The following TINAG variants were observed in gnomAD, a reference collection of about 807,000 sequenced individuals.
TINAG encodes the protein tubulointerstitial nephritis antigen.
Under a neutral mutation model 72.7 loss-of-function variants are expected in TINAG, and 83 were observed. That is an observed-to-expected ratio of 1.14 (90% CI 0.96 to 1.37). TINAG has a LOEUF of 1.37. Among genes scored for constraint, TINAG ranks in the 40% most tolerant of loss-of-function variants. The pLI is 0.00. For missense variants in TINAG, 685 were observed against 576.6 expected (o/e 1.19, Z -1.93); for synonymous variants, 234 against 189.9 (o/e 1.23, Z -1.91).
chr6:54,347,370 T>A lies in TINAG; in HGVS notation c.752T>A (p.Val251Glu), dbSNP rs367662055. 6.2e-7 allele frequency: 1 copy of A among 1,612,274 alleles called. No homozygotes were observed. The highest frequency in any genetic ancestry group is 1.3e-5 in the African/African-American group (1 of 74,826). The change falls in exon 6 of 11, where the codon GTG (valine) becomes GAG (glutamate). Residue 251 changes from valine (V) to glutamate (E), a missense_variant. Physicochemically the swap from Val to Glu is moderately radical, Grantham distance 121 (BLOSUM62 -2). Transcript: ENST00000259782. ...AASWAFSTASVAADRIAIQSK... is the reference protein window; with the variant it reads ...AASWAFSTASEAADRIAIQSK... ...ATTGATATTCTATTTGAAACAGGTG[T>A]GGCTGCTGACCGAATAGCAATTCAG...
intron 1 of TINAG, among the ~76,000 whole-genome samples, chr6:54,313,418 A>G (rs1213535954): frequency 1.3e-5 from 2 of 152,108 alleles, no homozygotes; most frequent in South Asian, 4.1e-4. Context: ...ACCCTTCTGT[A>G]ATACCCTGAG....
intron 3 of TINAG, among the ~76,000 whole-genome samples, chr6:54,325,571 T>G (rs936583171): frequency 7.2e-5 from 11 of 152,264 alleles, no homozygotes; most frequent in Non-Finnish European, 1.2e-4. Flanking sequence ...TGTAATAAAC[T>G]CTACTATTTC....
intron 3 of TINAG, among the ~76,000 whole-genome samples, chr6:54,323,246 CAT>C (rs538329384): frequency 1.3e-5 from 2 of 151,940 alleles, no homozygotes; most frequent in African/African-American, 2.4e-5. Context: ...CAAAAGGAAA[CAT>C]ATAAAAACCA....
At chr6:54,316,840 A>G (rs1345073553) in intron 1 of TINAG, among the ~76,000 whole-genome samples, 1 of 152,212 alleles carries the variant, frequency 6.6e-6, no homozygotes, top group East Asian at 1.9e-4. Context: ...TTTAAAACAA[A>G]TTATAGACAA....
chr6:54,339,374 A>G (rs1488758625), intron 4 of TINAG, among the ~76,000 whole-genome samples: 1 of 152,202 alleles, frequency 6.6e-6, no homozygotes, highest in Admixed American at 6.5e-5. Flanking sequence ...ATGGTTCAAC[A>G]GGACTGCTCT....
At chr6:54,362,460 G>A (rs1471360588) in intron 9 of TINAG, among the ~76,000 whole-genome samples, 1 of 151,518 alleles carries the variant, frequency 6.6e-6, no homozygotes, top group Admixed American at 6.6e-5. Context: ...GCCCACTGTT[G>A]AGATCTGCTA....
At chr6:54,340,305 T>C (rs969691812) in intron 4 of TINAG, among the ~76,000 whole-genome samples, 8 of 151,920 alleles carry the variant, frequency 5.3e-5, no homozygotes, top group African/African-American at 7.3e-5. Context: ...AAGTCTTTCT[T>C]AAAAATGAAT....
At chr6:54,330,333 A>T (rs762964255) in intron 4 of TINAG, among the ~76,000 whole-genome samples, 1 of 152,234 alleles carries the variant, frequency 6.6e-6, no homozygotes, top group Non-Finnish European at 1.5e-5. Context: ...ATGGAAACTG[A>T]ACAACCGATT....
chr6:54,384,452 A>G (rs910117871), intron 10 of TINAG, among the ~76,000 whole-genome samples: 5 of 152,154 alleles, frequency 3.3e-5, no homozygotes, highest in Non-Finnish European at 7.4e-5. Context: ...AGAAATTTAA[A>G]AAGTCACTAT....
chr6:54,348,218 T>C (rs994607721), intron 6 of TINAG, among the ~76,000 whole-genome samples: 18 of 152,130 alleles, frequency 1.2e-4, no homozygotes, highest in African/African-American at 3.4e-4. Flanking sequence ...TAGAAAATAG[T>C]GTATGTCAGA....
chr6:54,346,289 C>T (rs961304644), intron 5 of TINAG, among the ~76,000 whole-genome samples: 3 of 151,904 alleles, frequency 2.0e-5, no homozygotes, highest in Admixed American at 6.6e-5. Context: ...ATTTCCAGTG[C>T]TACAATGCCT....
At chr6:54,343,434 T>C (rs180999653) in intron 5 of TINAG, 85 bp downstream of exon 5, 39 of 1,217,240 alleles carry the variant, frequency 3.2e-5, no homozygotes, top group Non-Finnish European at 3.9e-5. Flanking sequence ...ATTTTAACAA[T>C]TAGAATATTT....
At chr6:54,360,841 G>GGTTTTTTTTTTTTTTTT (rs1763205258) in intron 9 of TINAG, among the ~76,000 whole-genome samples, 1 of 26,242 alleles carries the variant, frequency 3.8e-5, no homozygotes, top group Non-Finnish European at 8.5e-5. Flanking sequence ...CAGATACTGT[G>GGTTTTTTTTTTTTTTTT]TTTTTTTTTT....
At chr6:54,362,098 G>A (rs1763254277) in intron 9 of TINAG, among the ~76,000 whole-genome samples, 1 of 151,648 alleles carries the variant, frequency 6.6e-6, no homozygotes, top group Admixed American at 6.6e-5. Context: ...ACTGCAGCAA[G>A]TTATCCAGAA....
intron 9 of TINAG, among the ~76,000 whole-genome samples, chr6:54,366,254 A>ATGTGTGTG (rs57637287): frequency 2.6e-4 from 38 of 148,012 alleles, no homozygotes; most frequent in African/African-American, 8.4e-4. Flanking sequence ...ACGTACGTGT[A>ATGTGTGTG]TGTGTGTGTG....
chr6:54,357,576 C>T (rs1763092416), intron 9 of TINAG, among the ~76,000 whole-genome samples: 1 of 151,950 alleles, frequency 6.6e-6, no homozygotes, highest in East Asian at 1.9e-4. Context: ...CTCTGTTCTT[C>T]CATATTCTCT....
chr6:54,379,168 G>A (rs539952642), intron 9 of TINAG, among the ~76,000 whole-genome samples: 1 of 152,236 alleles, frequency 6.6e-6, no homozygotes, highest in Admixed American at 6.6e-5. Flanking sequence ...TAATACACGG[G>A]CAGAATTAAT....
Position 54,375,267 on chromosome 6 carries a change from G to A in TINAG, c.1251-5259G>A, listed in dbSNP as rs534108850. 2.6e-5 allele frequency among the ~76,000 whole-genome samples: 4 copies of A among 152,076 alleles called. No homozygotes were observed. In the South Asian group the frequency reaches 8.3e-4, roughly 32 times the overall value. ...AAAGATTGCTTCAGAATTTCTTTTG[G>A]AAATTAGTTTTTCTTTGTTCTTAGG... On this transcript the variant is annotated intron_variant, in intron 9 of 10. Coordinates refer to ENST00000259782, the MANE Select transcript of TINAG (RefSeq NM_014464.4).
chr6:54,370,950 T>C (rs928472100), intron 9 of TINAG, among the ~76,000 whole-genome samples: 5 of 152,122 alleles, frequency 3.3e-5, no homozygotes, highest in African/African-American at 1.2e-4. Flanking sequence ...GCTATTGCTA[T>C]GAACTGACCT....
Sources: allele counts gnomAD v4.1 joint callset (sites outside exome capture counted in the v4.1 genomes callset), GRCh38; gene constraint gnomAD v4.1.1; transcripts MANE v1.5; gene names NCBI Gene and HGNC (gene_info 2026-07-23, HGNC 2026-07-21).